The following TRAPPC8 variants were observed in gnomAD, a reference collection of about 807,000 sequenced individuals.
TRAPPC8 encodes general sporulation gene 1 homolog.
In TRAPPC8, 54 loss-of-function variants were observed where a neutral mutation model predicts 174.3. The observed-to-expected ratio is 0.31, with a 90% CI of 0.25 to 0.39. The LOEUF is 0.39. Ranked by LOEUF, TRAPPC8 falls within the 10% of genes least tolerant of loss-of-function variation. The pLI, the probability that TRAPPC8 is intolerant of heterozygous loss-of-function variation, is 1.00. For synonymous variants in TRAPPC8, 630 were observed against 579.9 expected, an observed-to-expected ratio of 1.09 and a Z score of -1.24; for missense variants, 1,531 against 1,699.1, an observed-to-expected ratio of 0.90 and a Z score of 1.74.
At chr18:31,897,747 A>G in intron 11 of TRAPPC8, 39 bp downstream of exon 11, 3 of 1,362,172 alleles carry the variant, frequency 2.2e-6, no homozygotes, top group Non-Finnish European at 2.9e-6. Context: ...AAAAAAAAGA[A>G]CAATGCTAAT....
chr18:31,925,648 G>C (rs1260973728), intron 2 of TRAPPC8, among the ~76,000 whole-genome samples: 1 of 152,110 alleles, frequency 6.6e-6, no homozygotes, highest in African/African-American at 2.4e-5. Context: ...ACTGTCAAAA[G>C]AAGCTACTCA....
chr18:31,901,440 C>A (rs2036421205), intron 9 of TRAPPC8, among the ~76,000 whole-genome samples: 1 of 152,166 alleles, frequency 6.6e-6, no homozygotes, highest in African/African-American at 2.4e-5. Context: ...ACAGGCATTT[C>A]TTTATTGTAT....
At chr18:31,908,445 A>G (rs1380598427) in intron 7 of TRAPPC8, 27 bp from the exon 8 acceptor site, 1 of 1,325,646 alleles carries the variant, frequency 7.5e-7, no homozygotes, top group African/African-American at 1.5e-5. Flanking sequence ...AAATATGTTG[A>G]CAAACAAAGA....
rs1258831665 is a variant in TRAPPC8, at chr18:31,880,117, ATATAT to A, written c.1729-5418_1729-5414del. 5.5e-3 allele frequency among the ~76,000 whole-genome samples: 583 copies of A among 106,748 alleles called. 10 individuals carry two copies. Among genetic ancestry groups the A allele is most frequent in the African/African-American group, 0.019 (508 of 26,230 alleles). The allele number at this position is 106,748 out of a possible 152,430, so 70.0% of individuals were successfully genotyped here. ...TATATATATATATATATATATATAT[ATATAT>A]TTTTTTTTTTTTAAGGAAGAAAGAT... On this transcript the variant is annotated intron_variant, in intron 12 of 28. Coordinates refer to ENST00000283351, the MANE Select transcript of TRAPPC8 (RefSeq NM_014939.5).
chr18:31,875,314 A>G (rs1490824731), intron 12 of TRAPPC8, among the ~76,000 whole-genome samples: 1 of 149,092 alleles, frequency 6.7e-6, no homozygotes, highest in African/African-American at 2.4e-5. Flanking sequence ...TACAAATAAT[A>G]TATAATAATA....
At chr18:31,872,843 TATA>T (rs1446192155) in intron 14 of TRAPPC8, among the ~76,000 whole-genome samples, 7 of 152,286 alleles carry the variant, frequency 4.6e-5, no homozygotes, top group South Asian at 2.1e-4. Context: ...ATGAAGATTA[TATA>T]ATAACAAAAG....
At chr18:31,842,451 T>C (rs2144984505) in intron 26 of TRAPPC8, among the ~76,000 whole-genome samples, 1 of 152,308 alleles carries the variant, frequency 6.6e-6, no homozygotes, top group South Asian at 2.1e-4. Context: ...AACATAAATG[T>C]CGACTGGCAT....
intron 10 of TRAPPC8, 32 bp from the exon 11 acceptor site, chr18:31,897,923 C>G: frequency 2.6e-6 from 4 of 1,556,064 alleles, no homozygotes; most frequent in Non-Finnish European, 3.5e-6. Flanking sequence ...GATAAAATAG[C>G]ACAATAATAC....
At chr18:31,841,764 A>G (rs1273301750) in intron 26 of TRAPPC8, among the ~76,000 whole-genome samples, 1 of 152,178 alleles carries the variant, frequency 6.6e-6, no homozygotes, top group Non-Finnish European at 1.5e-5. Context: ...ATGTGAACCA[A>G]CACTTGACAA....
intron 1 of TRAPPC8, among the ~76,000 whole-genome samples, chr18:31,935,323 A>C (rs1287219578): frequency 1.3e-5 from 2 of 149,438 alleles, no homozygotes; most frequent in Non-Finnish European, 3.0e-5. Flanking sequence ...CCTGGGCAAC[A>C]AGAGCGAAAC....
At chr18:31,833,185 T>C (rs2032480795) in intron 27 of TRAPPC8, 1 of 152,182 alleles carries the variant, frequency 6.6e-6, no homozygotes, top group African/African-American at 2.4e-5. Context: ...TAAATTAAGT[T>C]CCAATTGCAT....
intron 1 of TRAPPC8, among the ~76,000 whole-genome samples, chr18:31,938,562 C>G (rs2038199759): frequency 6.6e-6 from 1 of 152,114 alleles, no homozygotes; most frequent in African/African-American, 2.4e-5. Context: ...CTACTAAAAT[C>G]TAAAAATAAG....
In TRAPPC8 at chr18:31,914,199, T is replaced by A. The variant is rs149592058; in HGVS notation, c.618-677A>T. ...AAACAACCTGGAAAACTAACCACAT[T>A]CAAATGTAAATACTAATACTATGTA... On this transcript the variant is annotated intron_variant, in intron 4 of 28. Transcript: ENST00000283351. Among the ~76,000 whole-genome samples the A allele has an allele frequency of 4.7e-3, 697 of 148,356 alleles. 7 individuals are homozygous for A. The highest frequency in any genetic ancestry group is 0.016 in the African/African-American group (658 of 40,580).
At chr18:31,883,200 G>C (rs1420120297) in intron 12 of TRAPPC8, 1 of 148,776 alleles carries the variant, frequency 6.7e-6, no homozygotes, top group Admixed American at 6.7e-5. Context: ...TCCAGCCTGG[G>C]TGACAGAGAA....
intron 25 of TRAPPC8, 36 bp from the exon 26 acceptor site, chr18:31,846,853 T>C: frequency 1.3e-6 from 2 of 1,510,016 alleles, no homozygotes; most frequent in South Asian, 1.1e-5. Flanking sequence ...TTACCGTGCT[T>C]GACAGTAACC....
chr18:31,855,594 C>G (rs1435027491), intron 21 of TRAPPC8, 66 bp downstream of exon 21: 2 of 1,434,996 alleles, frequency 1.4e-6, no homozygotes, highest in African/African-American at 1.4e-5. Context: ...ACAAAAACCA[C>G]TACTAAACAC....
intron 2 of TRAPPC8, among the ~76,000 whole-genome samples, chr18:31,929,496 C>T (rs958184367): frequency 5.3e-5 from 8 of 152,126 alleles, no homozygotes; most frequent in African/African-American, 1.9e-4. Flanking sequence ...CACTACACTC[C>T]AGCCTGTGTG....
intron 12 of TRAPPC8, among the ~76,000 whole-genome samples, chr18:31,876,489 CAAAAAAAAAAAAAA>C (rs71175801): frequency 2.1e-5 from 1 of 48,722 alleles, no homozygotes; most frequent in Non-Finnish European, 3.6e-5. Flanking sequence ...GACTCCATCT[CAAAAAAAAAAAAAA>C]AAAAAAAAAG....
At chr18:31,882,256 T>C (rs1022616757) in intron 12 of TRAPPC8, among the ~76,000 whole-genome samples, 3 of 152,122 alleles carry the variant, frequency 2.0e-5, no homozygotes, top group Admixed American at 6.5e-5. Context: ...ATACACACCA[T>C]GGAATATGAC....
Sources: allele counts gnomAD v4.1 joint callset (sites outside exome capture counted in the v4.1 genomes callset), GRCh38; gene constraint gnomAD v4.1.1; transcripts MANE v1.5; gene names NCBI Gene and HGNC (gene_info 2026-07-23, HGNC 2026-07-21).